Variants in EDN1 observed in about 807,000 individuals in gnomAD.
The protein encoded by EDN1 is endothelin-1.
EDN1 carries 11 observed loss-of-function variants against 21.7 expected under a neutral mutation model. That is an observed-to-expected ratio of 0.51 (90% CI 0.32 to 0.84). The LOEUF is 0.84. Ranked by LOEUF, EDN1 falls within the 40% of genes least tolerant of loss-of-function variation. EDN1 has a pLI of 0.03. For missense variants in EDN1, 244 were observed against 262.3 expected, an observed-to-expected ratio of 0.93 and a Z score of 0.48; for synonymous variants, 85 against 90.6, an observed-to-expected ratio of 0.94 and a Z score of 0.35.
the EDN1 span, among the ~76,000 whole-genome samples, chr6:12,285,066 A>G: frequency 3.3e-5 from 5 of 152,294 alleles, no homozygotes; most frequent in South Asian, 4.1e-4. Flanking sequence ...GATGTGTGAA[A>G]TATGATTCTA....
the EDN1 span, among the ~76,000 whole-genome samples, chr6:12,237,588 C>G: frequency 2.0e-5 from 3 of 152,130 alleles, no homozygotes; most frequent in African/African-American, 7.2e-5. Flanking sequence ...AGTGGAACTC[C>G]TAGTGTCTTT....
chr6:12,296,077 G>A lies in EDN1; in HGVS notation c.*10G>A, dbSNP rs371749078. ...CCGAGCACATTGGTGACAGACCTTC[G>A]GGGCCTGTCTGAAGCCATAGCCTCC... On this transcript the variant is annotated 3_prime_UTR_variant, in exon 5 of 5. Transcript: ENST00000379375. 26 of 1,611,052 alleles carry A rather than the reference G, an allele frequency of 1.6e-5. No homozygotes were observed. Among genetic ancestry groups the A allele is most frequent in the African/African-American group, 1.1e-4 (8 of 74,810 alleles).
At chr6:12,276,992 A>C in the EDN1 span, among the ~76,000 whole-genome samples, 1 of 152,248 alleles carries the variant, frequency 6.6e-6, no homozygotes, top group African/African-American at 2.4e-5. Flanking sequence ...ATAAGAAAGG[A>C]GGAACAGGGA....
In EDN1 at chr6:12,296,254, G is replaced by T; in HGVS notation, c.*187G>T. On this transcript the variant is annotated 3_prime_UTR_variant, in exon 5 of 5. Coordinates refer to ENST00000379375, the MANE Select transcript of EDN1 (RefSeq NM_001955.5). The stretch of plus-strand genomic sequence containing the variant: ...GGAGTTCCCCCAACCATCTTCACTG[G>T]CTTCCATCAGTGGTAACTGCTTTGG... The T allele has an allele frequency of 1.7e-6, 1 of 594,998 alleles. No individual in the cohort carries two copies. The highest frequency in any genetic ancestry group is 3.1e-6 in the Non-Finnish European group (1 of 325,568). 36.9% of individuals were successfully genotyped at this position (594,998 alleles called of 1,614,324 possible).
At chr6:12,294,155 T>C (rs994934646) in intron 3 of EDN1, 59 bp downstream of exon 3, 10 of 1,613,778 alleles carry the variant, frequency 6.2e-6, no homozygotes, top group Non-Finnish European at 8.5e-6. Flanking sequence ...CTCCTTCCTA[T>C]CATGGTACTG....
chr6:12,257,396 C>A, the EDN1 span, among the ~76,000 whole-genome samples: 6 of 152,308 alleles, frequency 3.9e-5, no homozygotes, highest in African/African-American at 1.4e-4. Context: ...AAGCAGGACC[C>A]ACCAGAAGTC....
chr6:12,268,878 G>A, the EDN1 span, among the ~76,000 whole-genome samples: 1 of 152,044 alleles, frequency 6.6e-6, no homozygotes, highest in African/African-American at 2.4e-5. Context: ...AATATCATTG[G>A]TATTTTGATA....
the EDN1 span, among the ~76,000 whole-genome samples, chr6:12,237,470 T>C: frequency 6.6e-6 from 1 of 152,172 alleles, no homozygotes; most frequent in Non-Finnish European, 1.5e-5. Context: ...TTTTTATAAA[T>C]GTGGTAAATT....
chr6:12,234,792 G>A, the EDN1 span, among the ~76,000 whole-genome samples: 1 of 152,124 alleles, frequency 6.6e-6, no homozygotes, highest in Non-Finnish European at 1.5e-5. Flanking sequence ...TCAGAGATGG[G>A]GACTTCATTG....
chr6:12,272,962 C>A, the EDN1 span, among the ~76,000 whole-genome samples: 1 of 152,176 alleles, frequency 6.6e-6, no homozygotes, highest in Admixed American at 6.5e-5. Context: ...TAATCAATGT[C>A]CTGGAACTGC....
the EDN1 span, among the ~76,000 whole-genome samples, chr6:12,248,354 C>G: frequency 1.3e-5 from 2 of 152,096 alleles, no homozygotes; most frequent in Non-Finnish European, 1.5e-5. Flanking sequence ...AAATAAATGT[C>G]TGTGCCTTAA....
Position 12,292,381 on chromosome 6 carries a change from C to G in EDN1, c.105C>G (p.Gly35=), listed in dbSNP as rs1189074850. ...AGCTCAGCGCGGTGGGTGAGAACGG[C>G]GGGGAGAAACCCACTCCCAGTCCAC... ...GAELSAVGEN[G]GEKPTPSPPW... is the part of the protein sequence containing the mutation. Residue 35 remains glycine (G), a synonymous_variant, in exon 2 of 5, where the codon GGC becomes GGG. Transcript: ENST00000379375. 5 of 1,613,936 alleles carry G rather than the reference C, an allele frequency of 3.1e-6. No individual in the cohort carries two copies. Among genetic ancestry groups the G allele is most frequent in the Non-Finnish European group, 4.2e-6 (5 of 1,180,028 alleles).
At chr6:12,247,832 C>T in the EDN1 span, among the ~76,000 whole-genome samples, 1 of 152,018 alleles carries the variant, frequency 6.6e-6, no homozygotes, top group Non-Finnish European at 1.5e-5. Context: ...AGCAACCACA[C>T]GCAGCTCTAA....
the EDN1 span, among the ~76,000 whole-genome samples, chr6:12,279,486 C>T: frequency 6.6e-6 from 1 of 152,312 alleles, no homozygotes. Flanking sequence ...TCAGCCAAGA[C>T]AGGAGCTGGA....
chr6:12,264,638 A>C, the EDN1 span, among the ~76,000 whole-genome samples: 1 of 152,166 alleles, frequency 6.6e-6, no homozygotes, highest in African/African-American at 2.4e-5. Flanking sequence ...ATTGCAAAAA[A>C]ACTCAATGTT....
the EDN1 span, among the ~76,000 whole-genome samples, chr6:12,244,129 T>C: frequency 6.6e-6 from 1 of 152,026 alleles, no homozygotes; most frequent in African/African-American, 2.4e-5. Flanking sequence ...ATTTACTATA[T>C]CAAAGAAATA....
upstream of EDN1, among the ~76,000 whole-genome samples, chr6:12,289,311 C>T (rs1050938209): frequency 2.6e-5 from 4 of 151,806 alleles, no homozygotes; most frequent in African/African-American, 9.7e-5. Flanking sequence ...ATGAAGACAC[C>T]CCCCCAAAAA....
chr6:12,239,545 A>G, the EDN1 span, among the ~76,000 whole-genome samples: 9 of 152,206 alleles, frequency 5.9e-5, no homozygotes, highest in Non-Finnish European at 1.2e-4. Flanking sequence ...CCTACCTGCA[A>G]TAACTTAAAT....
At chr6:12,285,227 G>T in the EDN1 span, among the ~76,000 whole-genome samples, 133 of 152,276 alleles carry the variant, frequency 8.7e-4, no homozygotes, top group African/African-American at 3.0e-3. Context: ...TCAGAGAGGA[G>T]ATTTAAATAG....
Sources: allele counts gnomAD v4.1 joint callset (sites outside exome capture counted in the v4.1 genomes callset), GRCh38; gene constraint gnomAD v4.1.1; transcripts MANE v1.5; gene names NCBI Gene and HGNC (gene_info 2026-07-23, HGNC 2026-07-21).